The following DAAM2 variants were observed in gnomAD, a reference collection of about 807,000 sequenced individuals.
DAAM2 encodes dishevelled associated activator of morphogenesis 2.
Under a neutral mutation model 120.7 loss-of-function variants are expected in DAAM2, and 39 were observed. The observed-to-expected ratio is 0.32, with a 90% CI of 0.25 to 0.42. The LOEUF (loss-of-function observed/expected upper bound fraction) is 0.42. DAAM2 is among the 10% of genes least tolerant of loss of function. DAAM2 has a pLI of 1.00. For synonymous variants in DAAM2, 488 were observed against 524.9 expected (o/e 0.93, Z 0.96); for missense variants, 1,283 against 1,401.7 (o/e 0.92, Z 1.35).
intron 1 of DAAM2, among the ~76,000 whole-genome samples, chr6:39,808,448 C>T (rs1762074004): frequency 3.3e-5 from 5 of 152,154 alleles, no homozygotes; most frequent in Admixed American, 2.0e-4. Context: ...ATGAAGTCCT[C>T]CTTCCCTTCT....
At position 39,856,324 on chromosome 6, in the gene DAAM2, C is replaced by T; in HGVS notation, c.22C>T (p.His8Tyr). 1 of 1,545,212 alleles carries T rather than the reference C, an allele frequency of 6.5e-7. No homozygotes were observed. Among genetic ancestry groups the T allele is most frequent in the Non-Finnish European group, 8.7e-7 (1 of 1,146,150 alleles). ...GACCATGGCCCCCCGCAAGAGGAGC[C>T]ACCATGGCCTGGGCTTCCTGTGCTG... is the stretch of plus-strand genomic sequence containing the variant. The part of the protein sequence containing the change: MAPRKRS[H>Y]HGLGFLCCFG... The change falls in exon 2 of 25, where the codon CAC becomes TAC. Residue 8 changes from histidine (H) to tyrosine (Y), a missense_variant. Around this residue, in one of 3 missense-constraint regions of DAAM2, gnomAD observed 197 missense variants for 189.3 expected, o/e 1.04. Coordinates refer to ENST00000274867, the MANE Select transcript of DAAM2 (RefSeq NM_001201427.2).
chr6:39,796,466 A>G (rs564987633), intron 1 of DAAM2, among the ~76,000 whole-genome samples: 5 of 151,998 alleles, frequency 3.3e-5, no homozygotes, highest in African/African-American at 1.2e-4. Context: ...TTGTTTCATT[A>G]TGAGGTTCTA....
chr6:39,878,250 A>G lies in DAAM2; in HGVS notation c.1349A>G (p.Lys450Arg). 6.2e-7 allele frequency: 1 copy of G among 1,613,960 alleles called. No homozygotes were observed. The highest frequency in any genetic ancestry group is 8.5e-7 in the Non-Finnish European group (1 of 1,179,862). The change falls in exon 12 of 25, where the codon AAG becomes AGG. Residue 450 changes from lysine (K) to arginine (R), a missense_variant. Physicochemically the swap from Lys to Arg is conservative, Grantham distance 26 (BLOSUM62 2). Around this residue, in one of 3 missense-constraint regions of DAAM2, gnomAD observed 338 missense variants for 443.9 expected, o/e 0.76. Transcript: ENST00000274867. This position sits in a 1 kb window ranked among gnomAD's most constrained non-coding sequence, Gnocchi z 5.0. ...AAACAGTGGCGAGACCAGGCAGAGA[A>G]GTTCCGGAAAGGTGAGGGGCTCTGC... Reference protein sequence around the residue: ...EVKQWRDQAEKFRKEHMELVS... With the variant: ...EVKQWRDQAERFRKEHMELVS...
chr6:39,879,651 C>T (rs2149332073), intron 14 of DAAM2, 174 bp downstream of exon 14: 9 of 763,272 alleles, frequency 1.2e-5, no homozygotes, highest in South Asian at 1.1e-4. Context: ...AGCTCACGGT[C>T]AGAACACCTA....
At chr6:39,857,487 A>G (rs1764052517) in intron 2 of DAAM2, among the ~76,000 whole-genome samples, 1 of 152,194 alleles carries the variant, frequency 6.6e-6, no homozygotes, top group Non-Finnish European at 1.5e-5. Context: ...AGGAAAACTC[A>G]CTGTTTCCTG....
intron 14 of DAAM2, chr6:39,882,281 G>A (rs1453898567): frequency 2.0e-5 from 3 of 152,162 alleles, no homozygotes; most frequent in African/African-American, 7.2e-5. Context: ...CCTCCTCGAA[G>A]AGCCTCAAGT....
chr6:39,860,838 T>G, intron 2 of DAAM2, 90 bp from the exon 3 acceptor site: 2 of 1,007,138 alleles, frequency 2.0e-6, no homozygotes, highest in Non-Finnish European at 1.5e-6. Flanking sequence ...GAGGAACTGA[T>G]TTGGGGGAAT....
chr6:39,829,946 T>G (rs1582634462), intron 1 of DAAM2, among the ~76,000 whole-genome samples: 1 of 152,182 alleles, frequency 6.6e-6, no homozygotes, highest in East Asian at 1.9e-4. Context: ...TCTAGATTTC[T>G]CATGCTCCCT....
chr6:39,868,038 C>T, intron 6 of DAAM2, 195 bp downstream of exon 6: 1 of 589,760 alleles, frequency 1.7e-6, no homozygotes, highest in Non-Finnish European at 3.0e-6. Flanking sequence ...CATGCAGGGC[C>T]TTAAGAGTTA....
At chr6:39,896,694 G>T in intron 19 of DAAM2, 118 bp from the exon 20 acceptor site, 1 of 821,266 alleles carries the variant, frequency 1.2e-6, no homozygotes, top group African/African-American at 1.8e-5. Context: ...CTCACTGAGA[G>T]TTGAAGGCAT....
chr6:39,899,145 C>T lies in DAAM2; in HGVS notation c.2679+208C>T, dbSNP rs149512531. 55 of 564,998 alleles carry T rather than the reference C, an allele frequency of 9.7e-5. No homozygotes were observed. In the African/African-American group the frequency reaches 9.8e-4, roughly 10 times the overall value. 35.0% of individuals were successfully genotyped at this position (564,998 alleles called of 1,614,324 possible). A position where few individuals can be genotyped will look rare whatever the true frequency, so the allele number is the denominator to read the frequency against. On this transcript the variant is annotated intron_variant, in intron 22 of 24. Coordinates refer to ENST00000274867, the MANE Select transcript of DAAM2 (RefSeq NM_001201427.2). Reference sequence around the variant, plus strand: ...CCTAAGACTATACCCATGTTACTGTCCAACTTGGTATCTATTTGGCAGTGG... The same window carrying T: ...CCTAAGACTATACCCATGTTACTGTTCAACTTGGTATCTATTTGGCAGTGG...
intron 1 of DAAM2, among the ~76,000 whole-genome samples, chr6:39,836,729 C>T (rs1011807500): frequency 1.3e-5 from 2 of 152,276 alleles, no homozygotes; most frequent in African/African-American, 2.4e-5. Flanking sequence ...GATCTGGCTC[C>T]GACCTGGCTG....
At chr6:39,898,377 A>G (rs1766252431) in intron 21 of DAAM2, among the ~76,000 whole-genome samples, 2 of 152,218 alleles carry the variant, frequency 1.3e-5, no homozygotes, top group East Asian at 3.9e-4. Context: ...GCCATGCCCT[A>G]CAATGGATGG....
At chr6:39,879,038 G>T (rs990966913) in intron 13 of DAAM2, 140 bp from the exon 14 acceptor site, 2 of 622,612 alleles carry the variant, frequency 3.2e-6, no homozygotes, top group African/African-American at 3.7e-5. Flanking sequence ...GAGAAAATGG[G>T]GCCAAATGTG....
At chr6:39,840,229 A>AAAACAAACAAACAAAC (rs113463795) in intron 1 of DAAM2, among the ~76,000 whole-genome samples, 6 of 152,012 alleles carry the variant, frequency 3.9e-5, no homozygotes, top group African/African-American at 1.5e-4. Flanking sequence ...AATGTCTCAA[A>AAAACAAACAAACAAAC]AAACAAACAA....
chr6:39,883,184 CTTTTTTT>C (rs34461870), intron 14 of DAAM2, among the ~76,000 whole-genome samples: 1 of 141,608 alleles, frequency 7.1e-6, no homozygotes. Context: ...ACTGCCAGGG[CTTTTTTT>C]TTTTTTTTTG....
At chr6:39,866,054 C>T (rs928700397) in intron 5 of DAAM2, among the ~76,000 whole-genome samples, 4 of 152,218 alleles carry the variant, frequency 2.6e-5, no homozygotes, top group Non-Finnish European at 5.9e-5. Flanking sequence ...AAAAGCTAGC[C>T]ATCCATTGCA....
intron 1 of DAAM2, among the ~76,000 whole-genome samples, chr6:39,814,316 C>T (rs3008801): frequency 0.6 from 91,259 of 151,660 alleles, 27,643 homozygotes; most frequent in South Asian, 0.72. Context: ...TTTTAAATGA[C>T]AGAAGATGAA....
intron 1 of DAAM2, among the ~76,000 whole-genome samples, chr6:39,807,937 T>C (rs1762055240): frequency 6.6e-6 from 1 of 152,230 alleles, no homozygotes; most frequent in Admixed American, 6.5e-5. Flanking sequence ...TGAGTAGTTA[T>C]GCTGAAGAGT....
Sources: allele counts gnomAD v4.1 joint callset (sites outside exome capture counted in the v4.1 genomes callset), GRCh38; gene constraint gnomAD v4.1.1; regional missense constraint gnomAD v4.1.1; non-coding constraint Gnocchi (gnomAD v3.1); transcripts MANE v1.5; gene names NCBI Gene and HGNC (gene_info 2026-07-23, HGNC 2026-07-21).